Variants in ANKRD12 observed in about 807,000 individuals in gnomAD.
The protein encoded by ANKRD12 is ankyrin repeat domain-containing protein 12.
A neutral mutation model predicts 183.4 loss-of-function variants in ANKRD12; 85 were observed. The ratio of observed to expected loss-of-function variants is 0.46; its 90% CI spans 0.39 to 0.56. ANKRD12 has a LOEUF of 0.56. Among genes scored for constraint, ANKRD12 ranks in the 20% least tolerant of loss-of-function variants. The pLI is 0.00. For synonymous variants in ANKRD12, 914 were observed against 800.2 expected (o/e 1.14, Z -2.40); for missense variants, 2,405 against 2,357.1 (o/e 1.02, Z -0.42).
chr18:9,149,792 A>ATTTTTTT (rs75749856), intron 1 of ANKRD12, among the ~76,000 whole-genome samples: 6 of 28,200 alleles, frequency 2.1e-4, no homozygotes, highest in Admixed American at 6.8e-4. Flanking sequence ...TTATTTATTA[A>ATTTTTTT]ATTTTATTTT....
At chr18:9,149,793 A>ATTTTT (rs11403682) in intron 1 of ANKRD12, among the ~76,000 whole-genome samples, 11 of 145,046 alleles carry the variant, frequency 7.6e-5, no homozygotes, top group East Asian at 2.0e-4. Flanking sequence ...TATTTATTAA[A>ATTTTT]TTTTATTTTT....
At chr18:9,221,812 C>G in intron 7 of ANKRD12, 40 bp from the exon 8 acceptor site, 1 of 1,605,722 alleles carries the variant, frequency 6.2e-7, no homozygotes, top group Non-Finnish European at 8.5e-7. Flanking sequence ...TGATAACAAT[C>G]TGTGAAGGGA....
chr18:9,144,386 T>C (rs1568214895), intron 1 of ANKRD12, among the ~76,000 whole-genome samples: 1 of 152,210 alleles, frequency 6.6e-6, no homozygotes, highest in Non-Finnish European at 1.5e-5. Flanking sequence ...AAGAATAGGC[T>C]CTGTCCAAAG....
At chr18:9,137,513 C>T (rs2078154434) in intron 1 of ANKRD12, 1 of 147,360 alleles carries the variant, frequency 6.8e-6, no homozygotes, top group Non-Finnish European at 1.5e-5. Flanking sequence ...GCCCGCCGCG[C>T]GTTCCCGCCG....
chr18:9,141,346 C>T (rs1490497393), intron 1 of ANKRD12, among the ~76,000 whole-genome samples: 3 of 152,138 alleles, frequency 2.0e-5, no homozygotes, highest in Non-Finnish European at 4.4e-5. Flanking sequence ...TGATATCATG[C>T]TTCTAAAGAG....
At chr18:9,172,355 C>T (rs933026818) in intron 1 of ANKRD12, among the ~76,000 whole-genome samples, 3 of 152,118 alleles carry the variant, frequency 2.0e-5, no homozygotes, top group African/African-American at 7.2e-5. Context: ...TTTCAGGCAC[C>T]CCAATCAGTC....
intron 3 of ANKRD12, among the ~76,000 whole-genome samples, chr18:9,204,251 G>A (rs1321082710): frequency 6.6e-6 from 1 of 152,166 alleles, no homozygotes; most frequent in African/African-American, 2.4e-5. Flanking sequence ...AAACTGCATG[G>A]TTGAATTTCC....
At chr18:9,144,335 A>C (rs771490738) in intron 1 of ANKRD12, among the ~76,000 whole-genome samples, 23 of 152,162 alleles carry the variant, frequency 1.5e-4, no homozygotes, top group Non-Finnish European at 2.5e-4. Flanking sequence ...ATATGTTACA[A>C]ATATTATTTT....
chr18:9,253,225 T>TAAAG (rs1456291572), intron 8 of ANKRD12, among the ~76,000 whole-genome samples: 1 of 152,190 alleles, frequency 6.6e-6, no homozygotes, highest in Non-Finnish European at 1.5e-5. Context: ...ATTACTCTCT[T>TAAAG]AGTTATGGTG....
chr18:9,165,352 A>G (rs1243913578), intron 1 of ANKRD12, among the ~76,000 whole-genome samples: 2 of 152,118 alleles, frequency 1.3e-5, no homozygotes, highest in Admixed American at 6.6e-5. Context: ...GTGGTAAAAT[A>G]TACATAACAT....
At chr18:9,176,739 C>A (rs1021296669) in intron 1 of ANKRD12, among the ~76,000 whole-genome samples, 8 of 151,914 alleles carry the variant, frequency 5.3e-5, no homozygotes, top group Non-Finnish European at 8.8e-5. Flanking sequence ...GAATGTTTTG[C>A]CTTCATTATA....
At chr18:9,279,921 C>T (rs192305971) in intron 12 of ANKRD12, among the ~76,000 whole-genome samples, 12 of 152,066 alleles carry the variant, frequency 7.9e-5, no homozygotes, top group South Asian at 2.1e-4. Flanking sequence ...TTGAACATAA[C>T]GAAAGAATAG....
In ANKRD12 at chr18:9,255,508, T is replaced by A. The variant is rs748966895; in HGVS notation, c.2241T>A (p.Phe747Leu). 1.3e-6 allele frequency: 2 copies of A among 1,572,880 alleles called. No individual in the cohort carries two copies. Among genetic ancestry groups the A allele is most frequent in the African/African-American group, 2.8e-5 (2 of 72,074 alleles). The change falls in exon 9 of 13, where the codon TTT becomes TTA. Residue 747 changes from phenylalanine to leucine, a missense_variant. Physicochemically the swap from Phe to Leu is conservative, Grantham distance 22. Around this residue, in one of 7 missense-constraint regions of ANKRD12, gnomAD observed 1,983 missense variants for 1,725.9 expected, o/e 1.15. Transcript: ENST00000262126. ...AGCATGTGTCAAAAGAGAGGAACTTTAAAGAGGAACGAGACAAGATTAAAA... is the reference window on the plus strand; with the variant it reads ...AGCATGTGTCAAAAGAGAGGAACTTAAAAGAGGAACGAGACAAGATTAAAA... ...KEKHVSKERN[F>L]KEERDKIKKE...
rs71168045 is a variant in ANKRD12 at position 9,210,725 on chromosome 18, CA to C, written c.452-845del. Among the ~76,000 whole-genome samples, 407 of 84,584 alleles carry C rather than the reference CA, an allele frequency of 4.8e-3. 8 individuals carry two copies. Among genetic ancestry groups the C allele is most frequent in the Non-Finnish European group, 7.1e-3 (320 of 45,340 alleles). The allele number at this position is 84,584 out of a possible 152,430, so 55.5% of individuals were successfully genotyped here. A position where few individuals can be genotyped will look rare whatever the true frequency, so the allele number is the denominator to read the frequency against. The stretch of plus-strand genomic sequence containing the variant: ...TGGGCAACAGAGTGAGACTCTGTCT[CA>C]AAAAAAAAAAAAATCCAAAAGATGA... On this transcript the variant is annotated intron_variant, in intron 5 of 12. Transcript: ENST00000262126.
At chr18:9,213,527 A>G (rs1438001074) in intron 6 of ANKRD12, among the ~76,000 whole-genome samples, 2 of 151,958 alleles carry the variant, frequency 1.3e-5, no homozygotes, top group African/African-American at 4.8e-5. Context: ...AAATTATGGT[A>G]TATTTGATTA....
At position 9,207,399 on chromosome 18, in the gene ANKRD12, G is replaced by A. The variant is rs573494875; in HGVS notation, c.305-1258G>A. Among the ~76,000 whole-genome samples, 80 of 152,030 alleles carry A rather than the reference G, an allele frequency of 5.3e-4. 1 individual carries two copies. Among genetic ancestry groups the A allele is most frequent in the Admixed American group, 2.2e-3 (33 of 15,264 alleles). On this transcript the variant is annotated intron_variant, in intron 4 of 12. Coordinates refer to ENST00000262126, the MANE Select transcript of ANKRD12 (RefSeq NM_015208.5). ...AATATTCAAGAAAATGGACTTTTTA[G>A]GAAATGTTTAATTTTGAAAGATTTG...
chr18:9,206,730 C>G (rs1466810779), intron 4 of ANKRD12, among the ~76,000 whole-genome samples: 1 of 152,024 alleles, frequency 6.6e-6, no homozygotes, highest in Non-Finnish European at 1.5e-5. Flanking sequence ...ATAATTACAT[C>G]TTTATTTGGC....
At chr18:9,147,554 C>A (rs937831361) in intron 1 of ANKRD12, among the ~76,000 whole-genome samples, 1 of 152,118 alleles carries the variant, frequency 6.6e-6, no homozygotes, top group African/African-American at 2.4e-5. Flanking sequence ...TTTATTTATT[C>A]ATTGTTCATC....
chr18:9,266,185 A>G (rs1334051180), intron 10 of ANKRD12, among the ~76,000 whole-genome samples: 2 of 152,334 alleles, frequency 1.3e-5, no homozygotes, highest in East Asian at 3.9e-4. Flanking sequence ...AAGTTGGAAA[A>G]CACTCTGCAG....
Sources: allele counts gnomAD v4.1 joint callset (sites outside exome capture counted in the v4.1 genomes callset), GRCh38; gene constraint gnomAD v4.1.1; regional missense constraint gnomAD v4.1.1; transcripts MANE v1.5; gene names NCBI Gene and HGNC (gene_info 2026-07-23, HGNC 2026-07-21).